Variants in PTGS1 observed in about 807,000 individuals in gnomAD.
PTGS1 encodes prostaglandin-endoperoxide synthase 1, also known as prostaglandin G/H synthase 1.
Under a neutral mutation model 63.0 loss-of-function variants are expected in PTGS1, and 40 were observed. The ratio of observed to expected loss-of-function variants is 0.63; its 90% CI spans 0.49 to 0.83. The LOEUF (loss-of-function observed/expected upper bound fraction) is 0.83, where lower values mean the gene tolerates loss of function less well. Among genes scored for constraint, PTGS1 ranks in the 40% least tolerant of loss-of-function variants. The pLI, the probability that PTGS1 is intolerant of heterozygous loss-of-function variation, is 0.00. For missense variants in PTGS1, 709 were observed against 786.5 expected (o/e 0.90, Z 1.18); for synonymous variants, 298 against 301.9 (o/e 0.99, Z 0.13).
chr9:122,391,336 G>GTA (rs1239298282), intron 10 of PTGS1, among the ~76,000 whole-genome samples: 2 of 110,134 alleles, frequency 1.8e-5, no homozygotes, highest in Non-Finnish European at 3.3e-5. Flanking sequence ...ATATGTGTGT[G>GTA]TATATATATA....
intron 2 of PTGS1, 76 bp from the exon 3 acceptor site, chr9:122,377,823 A>G: frequency 7.7e-7 from 1 of 1,306,436 alleles, no homozygotes; most frequent in Non-Finnish European, 1.1e-6. Context: ...CTGGCCCCTC[A>G]TTCCCCCATC....
chr9:122,392,253 C>T lies in PTGS1; in HGVS notation c.1509C>T (p.Tyr503=), dbSNP rs1838330324. 2 of 1,613,134 alleles carry T rather than the reference C, an allele frequency of 1.2e-6. No homozygotes were observed. The highest frequency in any genetic ancestry group is 8.5e-7 in the Non-Finnish European group (1 of 1,179,242). ...LYGDIDALEF[Y]PGLLLEKCHP... ...GAGACATTGATGCGTTGGAGTTCTA[C>T]CCTGGACTGCTTCTTGAAAAGTGCC... The change falls in exon 11 of 11, where the codon TAC becomes TAT. Residue 503 remains tyrosine (Y), a synonymous_variant. Transcript: ENST00000362012.
Position 122,378,874 on chromosome 9 carries a change from T to G in PTGS1, c.452T>G (p.Leu151Arg). The stretch of plus-strand genomic sequence containing the variant: ...AACGTGAGCTATTACACTCGTATTC[T>G]GCCCTCTGTGCCTAAAGATTGCCCC... ...FSNVSYYTRI[L>R]PSVPKDCPTP... Residue 151 changes from leucine to arginine, a missense_variant, in exon 5 of 11, where the codon CTG (leucine) becomes CGG (arginine). Transcript: ENST00000362012. The G allele has an allele frequency of 1.9e-6, 3 of 1,614,256 alleles. No individual in the cohort carries two copies. Among genetic ancestry groups the G allele is most frequent in the Non-Finnish European group, 2.5e-6 (3 of 1,180,038 alleles).
At chr9:122,371,960 C>A in intron 2 of PTGS1, 1 of 712,504 alleles carries the variant, frequency 1.4e-6, no homozygotes. Context: ...CACAATGGAC[C>A]CGGAGCCACT....
intron 9 of PTGS1, among the ~76,000 whole-genome samples, chr9:122,387,856 G>T (rs1209255182): frequency 6.6e-6 from 1 of 152,162 alleles, no homozygotes; most frequent in African/African-American, 2.4e-5. Flanking sequence ...GCAGTCTCTG[G>T]CTCCCCTGTT....
At chr9:122,370,793 T>C (rs1288717257), upstream of PTGS1, 9 of 592,116 alleles carry the variant, frequency 1.5e-5, no homozygotes, top group Non-Finnish European at 2.7e-5. Context: ...GAGCATCGTC[T>C]CTGAGCCTCA....
Position 122,383,662 on chromosome 9 carries a change from C to T in PTGS1, c.916C>T (p.Arg306Cys), listed in dbSNP as rs780267925. The T allele has an allele frequency of 5.0e-6, 8 of 1,614,006 alleles. No homozygotes were observed. Among genetic ancestry groups the T allele is most frequent in the Middle Eastern group, 1.6e-4 (1 of 6,084 alleles). ...GLMLYATLWL[R>C]EHNRVCDLLK... is the part of the protein sequence containing the mutation. ...CATGCTGTATGCCACGCTCTGGCTA[C>T]GTGAGCACAACCGTGTGTGTGACCT... Residue 306 changes from arginine to cysteine, a missense_variant, in exon 8 of 11, where the codon CGT (arginine) becomes TGT (cysteine). Arg to Cys is a radical substitution (Grantham distance 180). Coordinates refer to ENST00000362012, the MANE Select transcript of PTGS1 (RefSeq NM_000962.4).
chr9:122,375,261 C>T, intron 2 of PTGS1: 1 of 984,492 alleles, frequency 1.0e-6, no homozygotes, highest in Non-Finnish European at 1.2e-6. Flanking sequence ...GGAGCCTCAG[C>T]TCCCGCACAG....
chr9:122,373,192 G>A (rs1026606162), intron 2 of PTGS1, among the ~76,000 whole-genome samples: 2 of 152,200 alleles, frequency 1.3e-5, no homozygotes, highest in South Asian at 2.1e-4. Context: ...GGTTGGATGC[G>A]TAATGTGGGG....
chr9:122,371,031 G>T lies in PTGS1; in HGVS notation c.-54G>T, dbSNP rs943540469. The T allele has an allele frequency of 4.5e-6, 7 of 1,558,114 alleles. No individual in the cohort carries two copies. In the African/African-American group the frequency reaches 8.1e-5, roughly 18 times the overall value. On this transcript the variant is annotated 5_prime_UTR_variant, in exon 1 of 11. Coordinates refer to ENST00000362012, the MANE Select transcript of PTGS1 (RefSeq NM_000962.4). ...TGGGCTGGAGCTCCGGGCAGTGTGC[G>T]AGGCGCACGCACAGGAGCCTGCACT...
At chr9:122,376,345 TGTGTG>T (rs1837155920) in intron 2 of PTGS1, among the ~76,000 whole-genome samples, 2 of 2,430 alleles carry the variant, frequency 8.2e-4, no homozygotes, top group South Asian at 0.019. Context: ...GGTCCTTGCT[TGTGTG>T]TGTGTGTGTG....
intron 9 of PTGS1, among the ~76,000 whole-genome samples, chr9:122,386,937 C>G (rs562971006): frequency 6.6e-6 from 1 of 152,238 alleles, no homozygotes; most frequent in South Asian, 2.1e-4. Context: ...GTAGTGGGAA[C>G]AAGACTTTTG....
chr9:122,382,435 C>A (rs993891576), intron 7 of PTGS1, among the ~76,000 whole-genome samples: 9 of 152,156 alleles, frequency 5.9e-5, no homozygotes, highest in African/African-American at 2.2e-4. Context: ...CTGGAGTGAT[C>A]TAATCTGTAT....
rs5900523 is a variant in PTGS1 at position 122,391,372 on chromosome 9, C to CAT, written c.1445-805_1445-804dup. The stretch of plus-strand genomic sequence containing the variant: ...CTATATATATACATATATATATATA[C>CAT]ATATATATATATACATATATATATA... On this transcript the variant is annotated intron_variant, in intron 10 of 10. Coordinates refer to ENST00000362012, the MANE Select transcript of PTGS1 (RefSeq NM_000962.4). 2.5e-3 allele frequency among the ~76,000 whole-genome samples: 214 copies of CAT among 84,670 alleles called. 3 individuals are homozygous for CAT. The highest frequency in any genetic ancestry group is 0.02 in the South Asian group (62 of 3,048). The allele number at this position is 84,670 out of a possible 152,430, so 55.5% of individuals were successfully genotyped here. A position where few individuals can be genotyped will look rare whatever the true frequency, so the allele number is the denominator to read the frequency against.
intron 9 of PTGS1, among the ~76,000 whole-genome samples, chr9:122,389,874 T>A (rs892447529): frequency 6.6e-6 from 1 of 151,896 alleles, no homozygotes; most frequent in African/African-American, 2.4e-5. Flanking sequence ...GGTGGGAGGA[T>A]TGCTTGAGCC....
At chr9:122,378,062 GCTCCCCGGGCCCTTT>G in intron 3 of PTGS1, 47 bp downstream of exon 3, 1 of 1,537,734 alleles carries the variant, frequency 6.5e-7, no homozygotes, top group Non-Finnish European at 8.9e-7. Flanking sequence ...GAGCCCTTCT[GCTCCCCGGGCCCTTT>G]CTCCTAGACC....
intron 9 of PTGS1, among the ~76,000 whole-genome samples, chr9:122,387,579 G>C (rs1048540360): frequency 3.9e-5 from 6 of 152,138 alleles, no homozygotes; most frequent in African/African-American, 1.4e-4. Flanking sequence ...CACACAGAGG[G>C]AAGGCCACAT....
chr9:122,394,207 A>T lies in PTGS1; in HGVS notation c.*1663A>T, dbSNP rs1237676010. ...GAGACCCTTTTCTCAGGACCTCTGT[A>T]GGCAGCAGAGAGAGAGGACAGAGGG... On this transcript the variant is annotated 3_prime_UTR_variant, in exon 11 of 11. Coordinates refer to ENST00000362012, the MANE Select transcript of PTGS1 (RefSeq NM_000962.4). 1 of 152,304 alleles carries T rather than the reference A, an allele frequency of 6.6e-6. No homozygotes were observed. The allele number at this position is 152,304 out of a possible 1,614,324, so 9.4% of individuals were successfully genotyped here.
rs1272870519 is a variant in PTGS1 at position 122,381,379 on chromosome 9, C to G, written c.505C>G (p.Gln169Glu). The G allele has an allele frequency of 1.2e-6, 2 of 1,613,930 alleles. No individual in the cohort carries two copies. Among genetic ancestry groups the G allele is most frequent in the East Asian group, 4.5e-5 (2 of 44,862 alleles). The change falls in exon 6 of 11, where the codon CAG becomes GAG. Residue 169 changes from glutamine to glutamate, a missense_variant. Gln to Glu is a conservative substitution (Grantham distance 29). Transcript: ENST00000362012. ...PTPMGTKGKK[Q>E]LPDAQLLARR... Reference sequence around the variant, plus strand: ...TCCTACCCCCCAACCAGGGAAGAAGCAGTTGCCAGATGCCCAGCTCCTGGC... The same window carrying G: ...TCCTACCCCCCAACCAGGGAAGAAGGAGTTGCCAGATGCCCAGCTCCTGGC...
Sources: allele counts gnomAD v4.1 joint callset (sites outside exome capture counted in the v4.1 genomes callset), GRCh38; gene constraint gnomAD v4.1.1; transcripts MANE v1.5; gene names NCBI Gene and HGNC (gene_info 2026-07-23, HGNC 2026-07-21).